DDA1: variants seen among roughly 807,000 people sequenced by gnomAD.
DDA1 encodes DET1- and DDB1-associated protein 1.
In DDA1, 3 loss-of-function variants were observed where a neutral mutation model predicts 18.6. The ratio of observed to expected loss-of-function variants is 0.16; its 90% CI spans 0.07 to 0.42. The LOEUF (loss-of-function observed/expected upper bound fraction) is 0.42, where lower values mean the gene tolerates loss of function less well. Ranked by LOEUF, DDA1 falls within the 10% of genes least tolerant of loss-of-function variation. The pLI is 0.99. For synonymous variants in DDA1, 52 were observed against 54.0 expected (o/e 0.96, Z 0.17); for missense variants, 105 against 138.2 (o/e 0.76, Z 1.20).
rs373469113 is a variant in DDA1 at position 17,314,473 on chromosome 19, T to C, written c.136+84T>C. ...TGCAGCGTGGCACGCGGAGGTTATC[T>C]TCAACCCCGGCCCAGGCCATAGACT... On this transcript the variant is annotated intron_variant, in intron 3 of 4. Coordinates refer to ENST00000359866, the MANE Select transcript of DDA1 (RefSeq NM_024050.6). The surrounding 1 kb of genome is among the most constrained non-coding windows in gnomAD (Gnocchi z 4.6). 4 of 1,568,350 alleles carry C rather than the reference T, an allele frequency of 2.6e-6. No individual in the cohort carries two copies. Among genetic ancestry groups the C allele is most frequent in the African/African-American group, 2.7e-5 (2 of 74,052 alleles).
intron 4 of DDA1, 22 bp from the exon 5 acceptor site, chr19:17,319,524 C>G (rs1422802796): frequency 1.9e-6 from 3 of 1,551,706 alleles, no homozygotes; most frequent in East Asian, 2.4e-5. Flanking sequence ...CTCACAGCCC[C>G]TCTCTTTTCC....
Position 17,319,754 on chromosome 19 carries a change from C to A in DDA1, c.*98C>A. Reference sequence around the variant, plus strand: ...AGCACCCCGCCCGCCCGCCTCCCTGCCGGCCCATCCACACCCTGCGTCCAC... The same window carrying A: ...AGCACCCCGCCCGCCCGCCTCCCTGACGGCCCATCCACACCCTGCGTCCAC... On this transcript the variant is annotated 3_prime_UTR_variant, in exon 5 of 5. Coordinates refer to ENST00000359866, the MANE Select transcript of DDA1 (RefSeq NM_024050.6). 2 of 1,034,966 alleles carry A rather than the reference C, an allele frequency of 1.9e-6. No homozygotes were observed. Among genetic ancestry groups the A allele is most frequent in the Non-Finnish European group, 2.9e-6 (2 of 699,554 alleles). 64.1% of individuals were successfully genotyped at this position (1,034,966 alleles called of 1,614,324 possible). A position where few individuals can be genotyped will look rare whatever the true frequency, so the allele number is the denominator to read the frequency against.
In DDA1 at chr19:17,320,958, C is replaced by A. The variant is rs868567587; in HGVS notation, c.*1302C>A. 2 of 152,306 alleles carry A rather than the reference C, an allele frequency of 1.3e-5. No homozygotes were observed. The highest frequency in any genetic ancestry group is 4.1e-4 in the South Asian group (2 of 4,832). The allele number at this position is 152,306 out of a possible 1,614,324, so 9.4% of individuals were successfully genotyped here. A position where few individuals can be genotyped will look rare whatever the true frequency, so the allele number is the denominator to read the frequency against. ...TGCCCCCACTGGTGGTGGTGGGGAT[C>A]TCAGTTTTCTTTTGTTTTGTTTTGT... On this transcript the variant is annotated 3_prime_UTR_variant, in exon 5 of 5. Coordinates refer to ENST00000359866, the MANE Select transcript of DDA1 (RefSeq NM_024050.6).
intron 3 of DDA1, among the ~76,000 whole-genome samples, chr19:17,315,286 C>CG (rs377593498): frequency 0.012 from 358 of 29,174 alleles, 107 homozygotes; most frequent in African/African-American, 0.021. Context: ...TATACACACA[C>CG]TATATATATA....
In DDA1 at chr19:17,323,093, A is replaced by C. The variant is rs980049159; in HGVS notation, c.*3437A>C. ...AGTTTTCCATCTGTGGCCAAGACCC[A>C]GTTTTTGGGAGGAGGCCCTCATGGG... is the stretch of plus-strand genomic sequence containing the variant. On this transcript the variant is annotated 3_prime_UTR_variant, in exon 5 of 5. Transcript: ENST00000359866. 6.6e-6 allele frequency: 1 copy of C among 152,360 alleles called. No individual in the cohort carries two copies. The highest frequency in any genetic ancestry group is 1.5e-5 in the Non-Finnish European group (1 of 68,160). The allele number at this position is 152,360 out of a possible 1,614,324, so 9.4% of individuals were successfully genotyped here. A position where few individuals can be genotyped will look rare whatever the true frequency, so the allele number is the denominator to read the frequency against.
chr19:17,315,820 T>C, intron 3 of DDA1, 114 bp from the exon 4 acceptor site: 1 of 957,884 alleles, frequency 1.0e-6, no homozygotes, highest in Non-Finnish European at 1.7e-6. Context: ...CTTTTGGAGA[T>C]CTCTGGAGTT....
At chr19:17,315,776 A>T (rs534933554) in intron 3 of DDA1, 158 bp from the exon 4 acceptor site, 1 of 718,106 alleles carries the variant, frequency 1.4e-6, no homozygotes, top group South Asian at 1.7e-5. Context: ...CTCTGGGAGT[A>T]GCTGCGAGTG....
chr19:17,309,672 C>T lies in DDA1; in HGVS notation c.3+15C>T. The T allele has an allele frequency of 6.2e-7, 1 of 1,612,524 alleles. No homozygotes were observed. Among genetic ancestry groups the T allele is most frequent in the Non-Finnish European group, 8.5e-7 (1 of 1,179,086 alleles). On this transcript the variant is annotated intron_variant, in intron 1 of 4. Transcript: ENST00000359866. ...AACAGAAGATGGTGAGGATGGCCTCCAGGCCCCCACTCCCCCTCTGCTAGA... is the reference window on the plus strand; with the variant it reads ...AACAGAAGATGGTGAGGATGGCCTCTAGGCCCCCACTCCCCCTCTGCTAGA...
chr19:17,313,025 G>C (rs1212503288), intron 1 of DDA1, among the ~76,000 whole-genome samples: 1 of 152,166 alleles, frequency 6.6e-6, no homozygotes, highest in Admixed American at 6.5e-5. Flanking sequence ...GTTCCTGCCT[G>C]TCCCAGAGGG....
At chr19:17,313,642 C>T (rs1049450047) in intron 1 of DDA1, among the ~76,000 whole-genome samples, 1 of 151,952 alleles carries the variant, frequency 6.6e-6, no homozygotes, top group Non-Finnish European at 1.5e-5. Context: ...GAGGTTTTGC[C>T]ATGTTGGCCA....
chr19:17,319,453 C>T lies in DDA1; in HGVS notation c.199-93C>T, dbSNP rs1489459297. ...TATGTGCCTGTAGTCCTAGCTACTC[C>T]AGAGGCTGAGCTGGGAGGATTGCTT... On this transcript the variant is annotated intron_variant, in intron 4 of 4. Transcript: ENST00000359866. 3 of 1,063,754 alleles carry T rather than the reference C, an allele frequency of 2.8e-6. No homozygotes were observed. The East Asian group carries it at 7.8e-5, about 28-fold the overall frequency. 65.9% of individuals were successfully genotyped at this position (1,063,754 alleles called of 1,614,324 possible). A position where few individuals can be genotyped will look rare whatever the true frequency, so the allele number is the denominator to read the frequency against.
chr19:17,313,892 A>G, intron 1 of DDA1, 131 bp from the exon 2 acceptor site: 1 of 724,302 alleles, frequency 1.4e-6, no homozygotes, highest in Non-Finnish European at 2.4e-6. Context: ...AGCCAGCTCA[A>G]GGGTGTGTTC....
chr19:17,315,974 G>C lies in DDA1; in HGVS notation c.177G>C (p.Leu59=). ...AGACAAACATCCTCCTGCGCTACCT[G>C]CATCAGCAATGGGACAAAAAGGTGA... ...TEKTNILLRY[L]HQQWDKKNAA... Residue 59 remains leucine (L), a synonymous_variant, in exon 4 of 5, where the codon CTG becomes CTC. Coordinates refer to ENST00000359866, the MANE Select transcript of DDA1 (RefSeq NM_024050.6). The C allele has an allele frequency of 6.2e-7, 1 of 1,614,192 alleles. No individual in the cohort carries two copies. Among genetic ancestry groups the C allele is most frequent in the Non-Finnish European group, 8.5e-7 (1 of 1,180,022 alleles).
intron 1 of DDA1, among the ~76,000 whole-genome samples, chr19:17,311,166 GT>G (rs369590586): frequency 0.26 from 38,142 of 145,618 alleles, 5,143 homozygotes; most frequent in South Asian, 0.38. Context: ...GAAGGAGGTT[GT>G]TTTTTTTTTT....
intron 1 of DDA1, among the ~76,000 whole-genome samples, chr19:17,313,301 T>G: frequency 6.6e-6 from 1 of 151,888 alleles, no homozygotes; most frequent in South Asian, 2.1e-4. Flanking sequence ...TCCTGCCCCA[T>G]TGGGTCAGGA....
At chr19:17,311,693 A>G (rs139513020) in intron 1 of DDA1, among the ~76,000 whole-genome samples, 235 of 152,146 alleles carry the variant, frequency 1.5e-3, no homozygotes, top group African/African-American at 5.6e-3. Flanking sequence ...TTCTGCTCGG[A>G]ACACTCTTCC....
chr19:17,313,371 C>T (rs1294175732), intron 1 of DDA1, among the ~76,000 whole-genome samples: 1 of 150,906 alleles, frequency 6.6e-6, no homozygotes, highest in Admixed American at 6.6e-5. Context: ...GAGAGACTCG[C>T]AGCAGACAGT....
intron 1 of DDA1, among the ~76,000 whole-genome samples, chr19:17,310,514 C>G (rs1367067141): frequency 2.6e-5 from 4 of 152,188 alleles, no homozygotes; most frequent in African/African-American, 9.7e-5. Context: ...CAGAGTGGAA[C>G]TAAAGCCTCT....
rs749652305 is a variant in DDA1, at chr19:17,314,399, C to T, written c.136+10C>T. On this transcript the variant is annotated intron_variant, in intron 3 of 4. Coordinates refer to ENST00000359866, the MANE Select transcript of DDA1 (RefSeq NM_024050.6). This position sits in a 1 kb window ranked among gnomAD's most constrained non-coding sequence, Gnocchi z 4.6. ...TACCCGTCTGAACAGAGTAAGTGGC[C>T]GCTGTCAGTCTGTCCCATTCTGGCT... is the stretch of plus-strand genomic sequence containing the variant. 1.1e-5 allele frequency: 18 copies of T among 1,614,110 alleles called. No individual in the cohort carries two copies. Among genetic ancestry groups the T allele is most frequent in the South Asian group, 3.3e-5 (3 of 91,096 alleles).
Sources: allele counts gnomAD v4.1 joint callset (sites outside exome capture counted in the v4.1 genomes callset), GRCh38; gene constraint gnomAD v4.1.1; non-coding constraint Gnocchi (gnomAD v3.1); transcripts MANE v1.5; gene names NCBI Gene and HGNC (gene_info 2026-07-23, HGNC 2026-07-21).